NDRG4: variants seen among roughly 807,000 people sequenced by gnomAD.
NDRG4 encodes NDRG family member 4.
NDRG4 carries 38 observed loss-of-function variants against 55.8 expected under a neutral mutation model. The observed-to-expected ratio is 0.68, with a 90% CI of 0.53 to 0.89. The LOEUF (loss-of-function observed/expected upper bound fraction) is 0.89. Among genes scored for constraint, NDRG4 ranks in the 40% least tolerant of loss-of-function variants. The pLI is 0.00. For synonymous variants in NDRG4, 190 were observed against 182.7 expected, an observed-to-expected ratio of 1.04 and a Z score of -0.32; for missense variants, 455 against 468.6, an observed-to-expected ratio of 0.97 and a Z score of 0.27.
rs78282456 is a variant in NDRG4 at position 58,468,947 on chromosome 16, C to T, written c.-24+5150C>T. 3.7e-3 allele frequency among the ~76,000 whole-genome samples: 557 copies of T among 152,256 alleles called. 3 individuals carry two copies. The highest frequency in any genetic ancestry group is 0.013 in the African/African-American group (525 of 41,548). On this transcript the variant is annotated intron_variant, in intron 1 of 15. Coordinates refer to the NDRG4 transcript ENST00000258187. ...GGCACTCGAGCAATATGTTCCAAAA[C>T]GGTTCAGAGTCAGAGCTCTAAAATG...
At chr16:58,509,441 CGTGGTGTCAG>C (rs1427593866) in intron 13 of NDRG4, 89 bp downstream of exon 13, 1 of 1,412,346 alleles carries the variant, frequency 7.1e-7, no homozygotes, top group Non-Finnish European at 9.8e-7. Context: ...AGGGCTGGCA[CGTGGTGTCAG>C]GTGGTAGTAG....
In NDRG4 at chr16:58,491,015, A is replaced by G. The variant is rs145714593; in HGVS notation, c.72+3165A>G. Among the ~76,000 whole-genome samples the G allele has an allele frequency of 5.1e-3, 746 of 146,182 alleles. 6 individuals are homozygous for G. Among genetic ancestry groups the G allele is most frequent in the African/African-American group, 0.018 (700 of 39,342 alleles). ...AAGCCGGCCGGGCATGGTGGCTCAC[A>G]CCTATAATCCCAGCACTTTGGGAGG... On this transcript the variant is annotated intron_variant, in intron 2 of 15. Transcript: ENST00000258187.
chr16:58,498,854 A>G (rs1161037066), upstream of NDRG4, among the ~76,000 whole-genome samples: 1 of 152,092 alleles, frequency 6.6e-6, no homozygotes, highest in Non-Finnish European at 1.5e-5. Context: ...CCCTGATCCC[A>G]CTCATAGGTC....
intron 1 of NDRG4, among the ~76,000 whole-genome samples, chr16:58,465,908 T>A (rs1235925928): frequency 6.6e-6 from 1 of 152,178 alleles, no homozygotes; most frequent in Non-Finnish European, 1.5e-5. Context: ...TTTTTCTTTG[T>A]GGAGCTCACT....
chr16:58,501,280 A>G (rs193148140), intron 1 of NDRG4: 19 of 392,902 alleles, frequency 4.8e-5, no homozygotes, highest in Admixed American at 3.1e-4. Flanking sequence ...CCACAGCACC[A>G]CCAGCACCAA....
Position 58,504,444 on chromosome 16 carries a change from C to T in NDRG4, c.311+23C>T, listed in dbSNP as rs148945420. ...CGGGTGAGTCCCCGCACAGCCCCTGCGCTAGGGCCCAGGGGTGCCTACCCC... is the reference window on the plus strand; with the variant it reads ...CGGGTGAGTCCCCGCACAGCCCCTGTGCTAGGGCCCAGGGGTGCCTACCCC... On this transcript the variant is annotated intron_variant, in intron 4 of 14. Transcript: ENST00000570248. 70 of 1,612,050 alleles carry T rather than the reference C, an allele frequency of 4.3e-5. 1 individual carries two copies. The highest frequency in any genetic ancestry group is 1.0e-4 in the Admixed American group (6 of 59,980).
chr16:58,506,403 T>G lies in NDRG4; in HGVS notation c.389T>G (p.Leu130Arg), dbSNP rs1242086244. 1 of 1,611,664 alleles carries G rather than the reference T, an allele frequency of 6.2e-7. No homozygotes were observed. The highest frequency in any genetic ancestry group is 1.7e-5 in the Admixed American group (1 of 59,838). Reference sequence around the variant, plus strand: ...TTACTGCAGCTCATCTTCCCCGACCTGGTGGAGGGGCTGGTGCTGGTGAAC... The same window carrying G: ...TTACTGCAGCTCATCTTCCCCGACCGGGTGGAGGGGCTGGTGCTGGTGAAC... ...LAKFALIFPD[L>R]VEGLVLVNID... The change falls in exon 6 of 15, where the codon CTG becomes CGG. Residue 130 changes from leucine (L) to arginine (R), a missense_variant. Transcript: ENST00000570248.
upstream of NDRG4, chr16:58,499,843 T>G: frequency 2.8e-6 from 1 of 357,472 alleles, no homozygotes; most frequent in Non-Finnish European, 5.4e-6. Context: ...TGGTCTCGGC[T>G]TTTGTATTCG....
upstream of NDRG4, chr16:58,500,046 G>A (rs1427680576): frequency 1.4e-6 from 2 of 1,416,820 alleles, no homozygotes; most frequent in Non-Finnish European, 1.9e-6. Flanking sequence ...TGGGGCTCCT[G>A]GTAAGCGAGT....
At chr16:58,505,957 G>A (rs2037911015) in intron 5 of NDRG4, 1 of 307,348 alleles carries the variant, frequency 3.3e-6, no homozygotes. Flanking sequence ...CCTGACCTCA[G>A]GTGATCAGCC....
chr16:58,472,660 A>G (rs2033038635), intron 1 of NDRG4, among the ~76,000 whole-genome samples: 1 of 152,192 alleles, frequency 6.6e-6, no homozygotes, highest in African/African-American at 2.4e-5. Context: ...GTCCCTGGCC[A>G]GCACAGTGGA....
At chr16:58,510,538 C>CCATCTCTCTGGCT in intron 13 of NDRG4, 107 bp from the exon 14 acceptor site, 1 of 950,812 alleles carries the variant, frequency 1.1e-6, no homozygotes, top group Non-Finnish European at 1.6e-6. Flanking sequence ...GTCCTTTGTC[C>CCATCTCTCTGGCT]CATCTCTCTG....
intron 1 of NDRG4, among the ~76,000 whole-genome samples, chr16:58,470,436 G>A (rs747992066): frequency 6.6e-6 from 1 of 152,182 alleles, no homozygotes; most frequent in Non-Finnish European, 1.5e-5. Flanking sequence ...TGGGAACCTT[G>A]GAAGGAGGCT....
At chr16:58,503,963 G>A (rs2037499638) in intron 2 of NDRG4, 60 bp downstream of exon 2, 1 of 1,586,640 alleles carries the variant, frequency 6.3e-7, no homozygotes, top group Non-Finnish European at 8.6e-7. Context: ...GAGCGGTGAG[G>A]CCCCCCACCC....
At chr16:58,487,694 C>A in intron 1 of NDRG4, 1 of 1,346,762 alleles carries the variant, frequency 7.4e-7, no homozygotes, top group Non-Finnish European at 1.0e-6. Flanking sequence ...CCGACTTGCG[C>A]TGTCCTTCTC....
In NDRG4 at chr16:58,506,627, A is replaced by C. The variant is rs2271948; in HGVS notation, c.516+13A>C. 4.5e-6 allele frequency: 7 copies of C among 1,546,764 alleles called. No individual in the cohort carries two copies. The highest frequency in any genetic ancestry group is 4.1e-5 in the African/African-American group (3 of 72,622). On this transcript the variant is annotated intron_variant, in intron 7 of 14. Transcript: ENST00000570248. The stretch of plus-strand genomic sequence containing the variant: ...CCTCTTCAGCCAGGTAAGGGGGGGA[A>C]CTTCTGCAGATCTGGGGTGATCTGG...
At chr16:58,487,880 A>AG in intron 2 of NDRG4, 1 of 1,480,298 alleles carries the variant, frequency 6.8e-7, no homozygotes, top group Non-Finnish European at 9.1e-7. Context: ...TTGAGGTCTT[A>AG]GGGCCGAGCG....
Position 58,507,026 on chromosome 16 carries a change from G to GA in NDRG4, c.620+12dup. The GA allele has an allele frequency of 6.2e-7, 1 of 1,608,232 alleles. No homozygotes were observed. ...GAACATGTACAACAGGTGCGGGTGG[G>GA]ATCAGCAGCCCTGGGACCCAGCACA... On this transcript the variant is annotated intron_variant, in intron 8 of 14. Coordinates refer to ENST00000570248, the MANE Select transcript of NDRG4 (RefSeq NM_001242835.2).
At chr16:58,478,343 C>T (rs911542656) in intron 1 of NDRG4, among the ~76,000 whole-genome samples, 19 of 151,052 alleles carry the variant, frequency 1.3e-4, no homozygotes, top group Admixed American at 2.6e-4. Context: ...GAGCCGAGAT[C>T]GCGCCATTGC....
Sources: allele counts gnomAD v4.1 joint callset (sites outside exome capture counted in the v4.1 genomes callset), GRCh38; gene constraint gnomAD v4.1.1; transcripts MANE v1.5; gene names NCBI Gene and HGNC (gene_info 2026-07-23, HGNC 2026-07-21).